Variants in TRIO observed in about 807,000 individuals in gnomAD.
TRIO encodes trio Rho guanine nucleotide exchange factor.
In TRIO, 58 loss-of-function variants were observed where a neutral mutation model predicts 351.9. The observed-to-expected ratio is 0.16, with a 90% CI of 0.13 to 0.21. TRIO has a LOEUF of 0.21. Among genes scored for constraint, TRIO ranks in the 10% least tolerant of loss-of-function variants. TRIO has a pLI of 1.00. For synonymous variants in TRIO, 1,758 were observed against 1,595.7 expected (o/e 1.10, Z -2.42); for missense variants, 3,201 against 4,027.8 (o/e 0.79, Z 5.56).
chr5:14,366,081 G>A (rs1044331308), intron 15 of TRIO, among the ~76,000 whole-genome samples: 11 of 152,112 alleles, frequency 7.2e-5, no homozygotes, highest in African/African-American at 2.4e-4. Flanking sequence ...GAAAACCCCA[G>A]ACACAGAGTG....
intron 48 of TRIO, 122 bp downstream of exon 48, chr5:14,488,382 C>T (rs1756203173): frequency 1.4e-6 from 2 of 1,410,166 alleles, no homozygotes; most frequent in South Asian, 1.4e-5. Flanking sequence ...CCGTTGCGGC[C>T]TCTACCTGGG....
At chr5:14,339,433 C>G (rs189624685) in intron 11 of TRIO, among the ~76,000 whole-genome samples, 45 of 152,244 alleles carry the variant, frequency 3.0e-4, no homozygotes, top group African/African-American at 1.1e-3. Context: ...ATAGGAATTT[C>G]TAGTATGTAT....
intron 48 of TRIO, 124 bp from the exon 49 acceptor site, chr5:14,492,443 G>A (rs895611783): frequency 1.1e-5 from 15 of 1,335,730 alleles, no homozygotes; most frequent in African/African-American, 4.4e-5. Context: ...ATTTCTCGGT[G>A]CTTGCCTGGT....
chr5:14,311,468 G>A (rs369722646), intron 8 of TRIO, among the ~76,000 whole-genome samples: 2 of 152,180 alleles, frequency 1.3e-5, no homozygotes, highest in South Asian at 2.1e-4. Context: ...AGTATCTGTC[G>A]TTGGGAACAC....
rs1350404288 is a variant in TRIO, at chr5:14,381,063, C to T, written c.3448-67C>T. 1.5e-5 allele frequency: 23 copies of T among 1,542,976 alleles called. No homozygotes were observed. In the South Asian group the frequency reaches 2.8e-4, roughly 19 times the overall value. ...TGTGATTTGACCTTTAAATGAGGTG[C>T]TCGGGGCTTTGGGCTCCTCTCAGGA... On this transcript the variant is annotated intron_variant, in intron 20 of 56. Coordinates refer to ENST00000344204, the MANE Select transcript of TRIO (RefSeq NM_007118.4).
intron 1 of TRIO, among the ~76,000 whole-genome samples, chr5:14,144,876 T>G (rs1787403932): frequency 1.3e-5 from 2 of 151,598 alleles, no homozygotes; most frequent in South Asian, 2.1e-4. Flanking sequence ...TGCTCGCGCG[T>G]CGGCTGAGCA....
chr5:14,457,704 C>T (rs564795188), intron 34 of TRIO, among the ~76,000 whole-genome samples: 15 of 152,240 alleles, frequency 9.9e-5, no homozygotes, highest in African/African-American at 3.6e-4. Context: ...GTGCAGAGGC[C>T]GCTGGATCTG....
chr5:14,256,890 T>C (rs968874869), intron 1 of TRIO, among the ~76,000 whole-genome samples: 1 of 152,206 alleles, frequency 6.6e-6, no homozygotes, highest in Non-Finnish European at 1.5e-5. Flanking sequence ...GTGTGGCTTT[T>C]CATTACTTTA....
Position 14,508,912 on chromosome 5 carries a change from C to T in TRIO, c.*490C>T, listed in dbSNP as rs1757904163. 6.0e-6 allele frequency: 1 copy of T among 165,952 alleles called. No individual in the cohort carries two copies. The highest frequency in any genetic ancestry group is 1.6e-4 in the South Asian group (1 of 6,222). 10.3% of individuals were successfully genotyped at this position (165,952 alleles called of 1,614,324 possible). A position where few individuals can be genotyped will look rare whatever the true frequency, so the allele number is the denominator to read the frequency against. ...TTCCAGGCGCCTCGTCTGTGTGCAT[C>T]TCACGCCCGACGTGGCTTCTGAAAC... On this transcript the variant is annotated 3_prime_UTR_variant, in exon 57 of 57. Transcript: ENST00000344204.
intron 3 of TRIO, among the ~76,000 whole-genome samples, chr5:14,282,721 A>G (rs1438531766): frequency 6.6e-6 from 1 of 152,170 alleles, no homozygotes; most frequent in Non-Finnish European, 1.5e-5. Flanking sequence ...GTATTTTATA[A>G]CAAATCCCAA....
intron 1 of TRIO, among the ~76,000 whole-genome samples, chr5:14,168,481 A>G (rs148798003): frequency 3.9e-5 from 6 of 152,386 alleles, no homozygotes; most frequent in African/African-American, 1.4e-4. Flanking sequence ...ACAGCCTGAT[A>G]TAAATCGGTT....
At chr5:14,149,726 A>G (rs1490942918) in intron 1 of TRIO, among the ~76,000 whole-genome samples, 1 of 151,860 alleles carries the variant, frequency 6.6e-6, no homozygotes, top group Non-Finnish European at 1.5e-5. Flanking sequence ...CTCTTGTCTG[A>G]TGGGGGAGGA....
chr5:14,162,158 A>G (rs1286120238), intron 1 of TRIO, among the ~76,000 whole-genome samples: 1 of 152,204 alleles, frequency 6.6e-6, no homozygotes. Flanking sequence ...CCATTCACAT[A>G]TCTGGAGAGA....
intron 8 of TRIO, among the ~76,000 whole-genome samples, chr5:14,307,016 GA>G (rs1316097400): frequency 6.6e-6 from 1 of 152,162 alleles, no homozygotes; most frequent in Non-Finnish European, 1.5e-5. Flanking sequence ...AACTCAAGGA[GA>G]CAGTAATTTG....
At chr5:14,168,334 G>A (rs1788897163) in intron 1 of TRIO, among the ~76,000 whole-genome samples, 1 of 152,230 alleles carries the variant, frequency 6.6e-6, no homozygotes, top group Non-Finnish European at 1.5e-5. Flanking sequence ...ACTTGAAGAA[G>A]TTTACCCTGA....
Position 14,168,728 on chromosome 5 carries a change from A to G in TRIO, c.157+24846A>G, listed in dbSNP as rs566980950. Among the ~76,000 whole-genome samples the G allele has an allele frequency of 3.3e-5, 5 of 152,304 alleles. 1 individual carries two copies. The highest frequency in any genetic ancestry group is 9.6e-5 in the African/African-American group (4 of 41,552). On this transcript the variant is annotated intron_variant, in intron 1 of 56. Coordinates refer to ENST00000344204, the MANE Select transcript of TRIO (RefSeq NM_007118.4). The stretch of plus-strand genomic sequence containing the variant: ...AGTGCCATGGTTTGTGAGTTATACT[A>G]TCATTTGTGGTTTAAACATTTCAGT...
At position 14,481,433 on chromosome 5, in the gene TRIO, A is replaced by T. The variant is rs1028517661; in HGVS notation, c.6388-108A>T. ...CAGTGCATCTCCATAAGCCCTGCAC[A>T]CTAGAGGGTGGGGAGGAAGAACAGA... is the stretch of plus-strand genomic sequence containing the variant. On this transcript the variant is annotated intron_variant, in intron 44 of 56. Transcript: ENST00000344204. 88 of 1,495,682 alleles carry T rather than the reference A, an allele frequency of 5.9e-5. 1 individual carries two copies. Among genetic ancestry groups the T allele is most frequent in the Middle Eastern group, 3.6e-4 (2 of 5,614 alleles). The allele number at this position is 1,495,682 out of a possible 1,614,324, so 92.7% of individuals were successfully genotyped here.
intron 1 of TRIO, among the ~76,000 whole-genome samples, chr5:14,151,187 T>C (rs1787806181): frequency 6.6e-6 from 1 of 152,230 alleles, no homozygotes; most frequent in South Asian, 2.1e-4. Flanking sequence ...TGTATATAAT[T>C]GACAGCTACC....
intron 1 of TRIO, among the ~76,000 whole-genome samples, chr5:14,184,266 C>T (rs1054042720): frequency 3.9e-5 from 6 of 152,190 alleles, no homozygotes; most frequent in Non-Finnish European, 8.8e-5. Context: ...GAAGGGAGCA[C>T]TGTGCGCTGT....
Sources: allele counts gnomAD v4.1 joint callset (sites outside exome capture counted in the v4.1 genomes callset), GRCh38; gene constraint gnomAD v4.1.1; transcripts MANE v1.5; gene names NCBI Gene and HGNC (gene_info 2026-07-23, HGNC 2026-07-21).